The following BCL7A variants were observed in gnomAD, a reference collection of about 807,000 sequenced individuals.
BCL7A encodes BAF chromatin remodeling complex subunit BCL7A.
In BCL7A, 11 loss-of-function variants were observed where a neutral mutation model predicts 28.4. The ratio of observed to expected loss-of-function variants is 0.39; its 90% CI spans 0.24 to 0.64. The LOEUF (loss-of-function observed/expected upper bound fraction) is 0.64, where lower values mean the gene tolerates loss of function less well. Among genes scored for constraint, BCL7A ranks in the 30% least tolerant of loss-of-function variants. The probability of loss-of-function intolerance (pLI) is 0.50; values close to 1 mark genes in which losing one functional copy is unlikely to be tolerated. For missense variants in BCL7A, 222 were observed against 274.8 expected (o/e 0.81, Z 1.36); for synonymous variants, 123 against 103.3 (o/e 1.19, Z -1.15).
intron 1 of BCL7A, among the ~76,000 whole-genome samples, chr12:122,024,183 G>A (rs1883555553): frequency 1.3e-5 from 2 of 152,332 alleles, no homozygotes; most frequent in Admixed American, 6.5e-5. Flanking sequence ...CTGGGTTTGG[G>A]GAAACAACAC....
At chr12:122,042,875 A>G (rs1450735796) in intron 3 of BCL7A, among the ~76,000 whole-genome samples, 1 of 152,096 alleles carries the variant, frequency 6.6e-6, no homozygotes, top group East Asian at 1.9e-4. Flanking sequence ...AACCCAGACC[A>G]TATTCAAATT....
At chr12:122,033,140 C>CT (rs36082754) in intron 2 of BCL7A, among the ~76,000 whole-genome samples, 30,770 of 141,344 alleles carry the variant, frequency 0.22, 3,976 homozygotes, top group East Asian at 0.47. Flanking sequence ...ATAGAAGTCA[C>CT]TTTTTTTTTT....
intron 1 of BCL7A, among the ~76,000 whole-genome samples, chr12:122,023,322 G>C (rs932244875): frequency 6.6e-6 from 1 of 152,188 alleles, no homozygotes; most frequent in African/African-American, 2.4e-5. Context: ...GTCAGCGCCC[G>C]CGGGCTCGTC....
intron 2 of BCL7A, among the ~76,000 whole-genome samples, chr12:122,033,125 A>G (rs7137708): frequency 0.15 from 23,059 of 150,560 alleles, 4,235 homozygotes; most frequent in African/African-American, 0.44. Context: ...GACAATTTAC[A>G]TATCATAGAA....
intron 4 of BCL7A, among the ~76,000 whole-genome samples, chr12:122,049,781 T>C (rs1411878086): frequency 6.6e-6 from 1 of 152,086 alleles, no homozygotes; most frequent in East Asian, 1.9e-4. Flanking sequence ...CCCTCATCTC[T>C]CTTCACTTTT....
intron 5 of BCL7A, 33 bp downstream of exon 5, chr12:122,054,959 G>C (rs1397589315): frequency 1.9e-6 from 3 of 1,614,044 alleles, no homozygotes; most frequent in Non-Finnish European, 2.5e-6. Flanking sequence ...GGGGCAGCCA[G>C]ATCGGCCGGG....
chr12:122,028,543 T>A (rs1883676550), intron 1 of BCL7A, among the ~76,000 whole-genome samples: 2 of 152,256 alleles, frequency 1.3e-5, no homozygotes, highest in South Asian at 4.1e-4. Flanking sequence ...TCATTCTTCC[T>A]CCAGCTTCTG....
intron 4 of BCL7A, among the ~76,000 whole-genome samples, chr12:122,049,514 T>G (rs1250007701): frequency 6.6e-6 from 1 of 151,988 alleles, no homozygotes; most frequent in Non-Finnish European, 1.5e-5. Flanking sequence ...AAACCCCATC[T>G]CTACTAAAAA....
At chr12:122,025,607 A>G (rs571222065) in intron 1 of BCL7A, among the ~76,000 whole-genome samples, 15 of 151,518 alleles carry the variant, frequency 9.9e-5, no homozygotes, top group African/African-American at 3.4e-4. Flanking sequence ...AGCCTGGGCA[A>G]CAGAGCGAGA....
chr12:122,034,376 C>T (rs1474867442), intron 2 of BCL7A, among the ~76,000 whole-genome samples: 2 of 144,884 alleles, frequency 1.4e-5, no homozygotes, highest in Non-Finnish European at 1.5e-5. Context: ...ATTGATTTAA[C>T]GAGTCTCCTA....
chr12:122,035,164 C>T (rs935390316), intron 2 of BCL7A, among the ~76,000 whole-genome samples, 167 bp from the exon 3 acceptor site: 2 of 152,162 alleles, frequency 1.3e-5, no homozygotes, highest in Non-Finnish European at 2.9e-5. Context: ...GAGGCCAGTC[C>T]CTAATAGGAC....
intron 3 of BCL7A, among the ~76,000 whole-genome samples, 188 bp downstream of exon 3, chr12:122,035,615 C>T (rs1225491208): frequency 2.6e-5 from 4 of 152,216 alleles, no homozygotes; most frequent in Admixed American, 1.3e-4. Context: ...CTTTTCCCAG[C>T]GTACCAAGCC....
rs1177646816 is a variant in BCL7A, at chr12:122,054,935, C to T, written c.561+9C>T. The T allele has an allele frequency of 6.2e-7, 1 of 1,614,052 alleles. No individual in the cohort carries two copies. The highest frequency in any genetic ancestry group is 1.3e-5 in the African/African-American group (1 of 74,936). On this transcript the variant is annotated intron_variant, in intron 5 of 5. Transcript: ENST00000261822. ...CGTCTGCAATCTCTCAGGTACCTCG[C>T]TCGAGGTCTCAGAGGGGCAGCCAGA... is the stretch of plus-strand genomic sequence containing the variant.
intron 1 of BCL7A, among the ~76,000 whole-genome samples, chr12:122,028,222 G>A (rs774106367): frequency 5.3e-5 from 8 of 152,206 alleles, no homozygotes; most frequent in Non-Finnish European, 1.2e-4. Flanking sequence ...AGAACTCGGT[G>A]AAGAGGTTGC....
chr12:122,036,362 G>T (rs1392564985), intron 3 of BCL7A, among the ~76,000 whole-genome samples: 6 of 152,062 alleles, frequency 3.9e-5, no homozygotes, highest in Admixed American at 1.3e-4. Flanking sequence ...GCACCTGAGA[G>T]TAGCTGCTGC....
chr12:122,050,107 G>A (rs1168739470), intron 4 of BCL7A, among the ~76,000 whole-genome samples: 2 of 152,164 alleles, frequency 1.3e-5, no homozygotes, highest in African/African-American at 4.8e-5. Context: ...CTCACGAGTA[G>A]CTGGGACTAC....
chr12:122,053,262 G>C (rs547361635), intron 4 of BCL7A, among the ~76,000 whole-genome samples: 191 of 152,288 alleles, frequency 1.3e-3, no homozygotes, highest in Non-Finnish European at 1.9e-3. Context: ...TCCCAAAGTG[G>C]TGGGATTATA....
intron 4 of BCL7A, among the ~76,000 whole-genome samples, chr12:122,049,033 AAAATAT>A (rs1484138731): frequency 2.2e-4 from 13 of 58,680 alleles, no homozygotes; most frequent in African/African-American, 7.6e-4. Flanking sequence ...AAAAAAAAAA[AAAATAT>A]ATATATATAT....
chr12:122,050,809 A>G (rs969284153), intron 4 of BCL7A, among the ~76,000 whole-genome samples: 1 of 152,248 alleles, frequency 6.6e-6, no homozygotes, highest in Non-Finnish European at 1.5e-5. Flanking sequence ...AGAAAATAAA[A>G]TGGGATAAAC....
Sources: gnomAD v4.1 joint callset for allele counts (sites outside exome capture counted in the v4.1 genomes callset) on GRCh38, gnomAD v4.1.1 for gene constraint, MANE v1.5 for transcripts, NCBI Gene and HGNC (gene_info 2026-07-23, HGNC 2026-07-21) for gene names.